Variants in ROBO2 observed in about 807,000 individuals in gnomAD.
ROBO2 encodes roundabout homolog 2.
Under a neutral mutation model 160.8 loss-of-function variants are expected in ROBO2, and 53 were observed. That is an observed-to-expected ratio of 0.33 (90% CI 0.26 to 0.41). The LOEUF is 0.41. Among genes scored for constraint, ROBO2 ranks in the 10% least tolerant of loss-of-function variants. ROBO2 has a pLI of 1.00. For synonymous variants in ROBO2, 664 were observed against 611.7 expected, an observed-to-expected ratio of 1.09 and a Z score of -1.26; for missense variants, 1,577 against 1,722.4, an observed-to-expected ratio of 0.92 and a Z score of 1.49.
chr3:75,913,287 C>T (rs1211816139), intron 1 of ROBO2, among the ~76,000 whole-genome samples: 1 of 152,328 alleles, frequency 6.6e-6, no homozygotes, highest in East Asian at 1.9e-4. Context: ...GGGATAATCA[C>T]CTTGTCTCAA....
At chr3:76,799,145 C>T (rs745557540) in intron 2 of ROBO2, among the ~76,000 whole-genome samples, 42 of 151,256 alleles carry the variant, frequency 2.8e-4, no homozygotes, top group Admixed American at 7.9e-4. Flanking sequence ...ACCCAGGAGA[C>T]GGAGGCTGCG....
At chr3:76,379,734 C>T (rs1275640501) in intron 2 of ROBO2, among the ~76,000 whole-genome samples, 1 of 151,982 alleles carries the variant, frequency 6.6e-6, no homozygotes. Context: ...GCTTGAAAAT[C>T]CTTTTCCATA....
chr3:77,051,385 G>A (rs1015854060), intron 1 of ROBO2, among the ~76,000 whole-genome samples: 2 of 152,104 alleles, frequency 1.3e-5, no homozygotes, highest in Non-Finnish European at 2.9e-5. Context: ...AAACTGAGGT[G>A]TTTGATGCCT....
intron 1 of ROBO2, among the ~76,000 whole-genome samples, chr3:75,934,060 A>G (rs1157302641): frequency 1.3e-5 from 2 of 152,192 alleles, no homozygotes; most frequent in Non-Finnish European, 2.9e-5. Flanking sequence ...TAATGTAGCT[A>G]TTGGATAAGA....
At chr3:77,277,249 T>G (rs2059944584) in intron 2 of ROBO2, among the ~76,000 whole-genome samples, 1 of 150,824 alleles carries the variant, frequency 6.6e-6, no homozygotes. Context: ...TCTTTCTTTC[T>G]TTCTTGTCTT....
chr3:77,480,106 G>T (rs558311974), intron 3 of ROBO2, among the ~76,000 whole-genome samples: 3 of 152,070 alleles, frequency 2.0e-5, no homozygotes, highest in Admixed American at 6.5e-5. Flanking sequence ...TTTCACCTAT[G>T]TAAAAAAAAG....
chr3:76,587,252 G>A (rs951571802), intron 2 of ROBO2, among the ~76,000 whole-genome samples: 4 of 152,098 alleles, frequency 2.6e-5, no homozygotes, highest in Non-Finnish European at 5.9e-5. Context: ...AGTTTCATGA[G>A]ATTAGGGGCT....
intron 2 of ROBO2, among the ~76,000 whole-genome samples, chr3:76,558,720 G>C (rs2083968249): frequency 6.6e-6 from 1 of 151,984 alleles, no homozygotes; most frequent in Non-Finnish European, 1.5e-5. Flanking sequence ...AACAATAACT[G>C]TAAGATGACT....
At chr3:76,346,068 C>T (rs2074510292) in intron 2 of ROBO2, among the ~76,000 whole-genome samples, 1 of 152,030 alleles carries the variant, frequency 6.6e-6, no homozygotes, top group South Asian at 2.1e-4. Flanking sequence ...CGGCTTTGAT[C>T]ACACAAAAGG....
intron 2 of ROBO2, among the ~76,000 whole-genome samples, chr3:77,008,848 G>A (rs1399801063): frequency 6.6e-6 from 1 of 152,090 alleles, no homozygotes; most frequent in Non-Finnish European, 1.5e-5. Flanking sequence ...CAGAGAATTT[G>A]TTCTTCTGTT....
chr3:77,098,327 T>C (rs1410354261), exon 2 of ROBO2: 2 of 1,614,200 alleles, frequency 1.2e-6, no homozygotes, highest in Non-Finnish European at 1.7e-6. Flanking sequence ...GAAATGCGTC[T>C]CTGGAAGTGG....
chr3:76,119,383 C>CA (rs1222367290), intron 2 of ROBO2, among the ~76,000 whole-genome samples: 1 of 151,862 alleles, frequency 6.6e-6, no homozygotes, highest in Non-Finnish European at 1.5e-5. Context: ...ACTTAGTTAA[C>CA]AAAAAACTCT....
chr3:76,838,058 A>G (rs948459361), intron 2 of ROBO2, among the ~76,000 whole-genome samples: 1 of 152,118 alleles, frequency 6.6e-6, no homozygotes, highest in Non-Finnish European at 1.5e-5. Flanking sequence ...CAGCCATGAA[A>G]AAGAGTGATA....
At chr3:76,008,743 T>A (rs2066104896) in intron 2 of ROBO2, among the ~76,000 whole-genome samples, 2 of 152,160 alleles carry the variant, frequency 1.3e-5, no homozygotes, top group Non-Finnish European at 1.5e-5. Flanking sequence ...GGGATTTTTT[T>A]TTTTCTCATC....
At chr3:76,580,211 CAA>C (rs1275876360) in intron 2 of ROBO2, among the ~76,000 whole-genome samples, 2 of 147,514 alleles carry the variant, frequency 1.4e-5, no homozygotes, top group African/African-American at 5.0e-5. Flanking sequence ...GTTTTCTTAT[CAA>C]AGTCATTATT....
intron 2 of ROBO2, among the ~76,000 whole-genome samples, chr3:76,171,963 G>T (rs1242638103): frequency 1.3e-5 from 2 of 151,970 alleles, no homozygotes; most frequent in Non-Finnish European, 2.9e-5. Context: ...AGCTGTACTT[G>T]TAAAGAACAT....
intron 2 of ROBO2, among the ~76,000 whole-genome samples, chr3:75,988,304 C>T (rs2065471026): frequency 6.6e-6 from 1 of 151,966 alleles, no homozygotes; most frequent in African/African-American, 2.4e-5. Flanking sequence ...CTGGTTCATT[C>T]AACTTTTGAC....
At chr3:76,324,292 G>A (rs553668357) in intron 2 of ROBO2, among the ~76,000 whole-genome samples, 11 of 152,308 alleles carry the variant, frequency 7.2e-5, no homozygotes, top group African/African-American at 2.4e-4. Context: ...GCTTTGAGAC[G>A]TAATATGTGA....
intron 2 of ROBO2, among the ~76,000 whole-genome samples, chr3:76,252,424 A>G (rs570943774): frequency 6.6e-6 from 1 of 152,218 alleles, no homozygotes; most frequent in African/African-American, 2.4e-5. Context: ...GGAGACAGCC[A>G]CCACTGTTTA....
Sources: gnomAD v4.1 joint callset for allele counts (sites outside exome capture counted in the v4.1 genomes callset) on GRCh38, gnomAD v4.1.1 for gene constraint, MANE v1.5 for transcripts, NCBI Gene and HGNC (gene_info 2026-07-23, HGNC 2026-07-21) for gene names.